Variants in LRRC37A2 observed in about 807,000 individuals in gnomAD.
LRRC37A2 encodes the protein leucine-rich repeat-containing protein 37A2.
Under a neutral mutation model 68.8 loss-of-function variants are expected in LRRC37A2, and 9 were observed. The ratio of observed to expected loss-of-function variants is 0.13; its 90% CI spans 0.08 to 0.23. LRRC37A2 has a LOEUF of 0.23. LRRC37A2 is among the 10% of genes least tolerant of loss of function. The pLI is 1.00. For synonymous variants in LRRC37A2, 63 were observed against 367.6 expected (o/e 0.17, Z 9.48); for missense variants, 168 against 950.4 (o/e 0.18, Z 10.82).
At chr17:46,749,762 C>T in the LRRC37A2 span, 3 of 1,608,852 alleles carry the variant, frequency 1.9e-6, no homozygotes, top group Admixed American at 1.7e-5. Flanking sequence ...ACATTTTCTC[C>T]CTATGATCAG....
the LRRC37A2 span, among the ~76,000 whole-genome samples, chr17:46,796,052 C>T: frequency 6.6e-6 from 1 of 152,146 alleles, no homozygotes; most frequent in Admixed American, 6.5e-5. Flanking sequence ...GAGGAGCTGT[C>T]CCATCCGCAG....
At chr17:46,863,541 G>C in the LRRC37A2 span, among the ~76,000 whole-genome samples, 1 of 152,200 alleles carries the variant, frequency 6.6e-6, no homozygotes, top group African/African-American at 2.4e-5. Flanking sequence ...GATGGTTAGA[G>C]GGGGATGGGG....
the LRRC37A2 span, among the ~76,000 whole-genome samples, chr17:46,788,989 T>C: frequency 6.6e-6 from 1 of 152,208 alleles, no homozygotes; most frequent in East Asian, 1.9e-4. Context: ...CTGTGCTGCT[T>C]GGCTGGGAGC....
the LRRC37A2 span, among the ~76,000 whole-genome samples, chr17:46,767,548 C>T: frequency 2.0e-5 from 3 of 152,152 alleles, no homozygotes; most frequent in African/African-American, 7.2e-5. Context: ...TCACCACCAT[C>T]ACCACTTTAT....
chr17:46,738,334 A>G, the LRRC37A2 span, among the ~76,000 whole-genome samples: 1 of 152,226 alleles, frequency 6.6e-6, no homozygotes, highest in Admixed American at 6.5e-5. Context: ...ACTGGAGGGA[A>G]GAATAGAAAT....
the LRRC37A2 span, among the ~76,000 whole-genome samples, chr17:46,820,685 T>G: frequency 6.6e-6 from 1 of 152,136 alleles, no homozygotes; most frequent in Non-Finnish European, 1.5e-5. Flanking sequence ...GGACCAAGGC[T>G]CTGGCAGTGG....
chr17:46,914,852 T>C, the LRRC37A2 span, among the ~76,000 whole-genome samples: 1 of 152,118 alleles, frequency 6.6e-6, no homozygotes, highest in East Asian at 1.9e-4. Context: ...ACATCTACTC[T>C]AGAAAGTCTT....
At chr17:46,973,177 G>A in the LRRC37A2 span, 3 of 153,780 alleles carry the variant, frequency 2.0e-5, no homozygotes, top group African/African-American at 7.2e-5. Flanking sequence ...TGCCGGATGA[G>A]GGCCATTTCT....
At chr17:46,924,795 G>A in the LRRC37A2 span, among the ~76,000 whole-genome samples, 1 of 152,162 alleles carries the variant, frequency 6.6e-6, no homozygotes, top group Non-Finnish European at 1.5e-5. Flanking sequence ...AGAATGAAAC[G>A]AAATTATGTT....
At chr17:46,978,531 A>T in the LRRC37A2 span, 1 of 1,341,224 alleles carries the variant, frequency 7.5e-7, no homozygotes, top group Non-Finnish European at 9.9e-7. Context: ...CGGGCGCCCC[A>T]GGCACGTAGC....
chr17:46,715,023 C>G, the LRRC37A2 span, among the ~76,000 whole-genome samples: 1 of 152,116 alleles, frequency 6.6e-6, no homozygotes, highest in African/African-American at 2.4e-5. Flanking sequence ...AAAGATGACT[C>G]CCAAAAAATG....
chr17:46,890,557 T>G, the LRRC37A2 span, among the ~76,000 whole-genome samples: 1 of 152,130 alleles, frequency 6.6e-6, no homozygotes, highest in Non-Finnish European at 1.5e-5. Context: ...GTCACTCCAT[T>G]TGAGAATTCC....
the LRRC37A2 span, among the ~76,000 whole-genome samples, chr17:46,595,341 C>T: frequency 1.5e-5 from 1 of 66,404 alleles, no homozygotes; most frequent in South Asian, 7.1e-4. Flanking sequence ...TGTTGCAATA[C>T]TTTTATTTGT....
At chr17:46,727,434 A>G in the LRRC37A2 span, among the ~76,000 whole-genome samples, 1 of 152,208 alleles carries the variant, frequency 6.6e-6, no homozygotes, top group Non-Finnish European at 1.5e-5. Flanking sequence ...ACATCTGAAA[A>G]TACTACCCAG....
chr17:46,874,922 G>A, the LRRC37A2 span: 4 of 912,996 alleles, frequency 4.4e-6, no homozygotes, highest in South Asian at 1.4e-5. Flanking sequence ...AATTTAAGGG[G>A]CAGTTGACAG....
At chr17:46,833,214 G>A in the LRRC37A2 span, 1 of 399,454 alleles carries the variant, frequency 2.5e-6, no homozygotes, top group South Asian at 1.9e-5. Flanking sequence ...AAACCGGGAA[G>A]CAGCATGTGC....
chr17:46,772,864 A>G, the LRRC37A2 span, among the ~76,000 whole-genome samples: 1 of 150,722 alleles, frequency 6.6e-6, no homozygotes, highest in Admixed American at 6.7e-5. Flanking sequence ...AGCTTCTAAT[A>G]GGAGGGAGGG....
the LRRC37A2 span, among the ~76,000 whole-genome samples, chr17:46,716,268 T>TC: frequency 6.6e-6 from 1 of 151,540 alleles, no homozygotes; most frequent in East Asian, 1.9e-4. Flanking sequence ...CTCCTTTTTT[T>TC]TTTTTTGAGA....
At chr17:46,775,931 G>A in the LRRC37A2 span, among the ~76,000 whole-genome samples, 3 of 152,174 alleles carry the variant, frequency 2.0e-5, no homozygotes, top group East Asian at 1.9e-4. Flanking sequence ...CTGATTTATC[G>A]GTGGTAATGG....
Sources: allele counts gnomAD v4.1 joint callset (sites outside exome capture counted in the v4.1 genomes callset), GRCh38; gene constraint gnomAD v4.1.1; transcripts MANE v1.5; gene names NCBI Gene and HGNC (gene_info 2026-07-23, HGNC 2026-07-21).